The following HNF1B variants were observed in gnomAD, a reference collection of about 807,000 sequenced individuals.
HNF1B encodes hepatocyte nuclear factor 1-beta.
Under a neutral mutation model 61.7 loss-of-function variants are expected in HNF1B, and 8 were observed. That is an observed-to-expected ratio of 0.13 (90% confidence interval 0.08 to 0.23). HNF1B has a LOEUF of 0.23. Ranked by LOEUF, HNF1B falls within the 10% of genes least tolerant of loss-of-function variation. The pLI, the probability that HNF1B is intolerant of heterozygous loss-of-function variation, is 1.00. For missense variants in HNF1B, 562 were observed against 714.5 expected (o/e 0.79, Z 2.43); for synonymous variants, 314 against 287.7 (o/e 1.09, Z -0.93).
At position 37,686,958 on chromosome 17, in the gene HNF1B, G is replaced by A; in HGVS notation, c.*414C>T. ...ATGGGGGCAGGGGAGGGAGTCTGTG[G>A]ATATTTACAGTGTGTTTGGCTCAGT... On this transcript the variant is annotated 3_prime_UTR_variant, in exon 9 of 9. Coordinates refer to ENST00000617811, the MANE Select transcript of HNF1B (RefSeq NM_000458.4). 3 of 390,086 alleles carry A rather than the reference G, an allele frequency of 7.7e-6. No homozygotes were observed. In the South Asian group the frequency reaches 7.9e-5, roughly 10 times the overall value. The allele number at this position is 390,086 out of a possible 1,614,324, so 24.2% of individuals were successfully genotyped here.
chr17:37,713,865 G>C (rs1445742758), intron 4 of HNF1B, among the ~76,000 whole-genome samples: 17 of 152,228 alleles, frequency 1.1e-4, no homozygotes, highest in Non-Finnish European at 1.0e-4. Flanking sequence ...TAATCAGCCA[G>C]CCATCTTATG....
chr17:37,733,765 G>C lies in HNF1B; in HGVS notation c.601C>G (p.Gln201Glu), dbSNP rs1282570287. The C allele has an allele frequency of 6.2e-7, 1 of 1,614,126 alleles. No individual in the cohort carries two copies. The highest frequency in any genetic ancestry group is 1.7e-5 in the Admixed American group (1 of 60,030). ...AACTCTGGAAAGAGAAACAGCAGCTGATCCTGACTGCTTTTGTCTGTCATA... is the reference window on the plus strand; with the variant it reads ...AACTCTGGAAAGAGAAACAGCAGCTCATCCTGACTGCTTTTGTCTGTCATA... ...GNMTDKSSQD[Q>E]LLFLFPEFSQ... Residue 201 changes from glutamine to glutamate, a missense_variant, in exon 3 of 9, where the codon CAG becomes GAG. Physicochemically the swap from Gln to Glu is conservative, Grantham distance 29. This residue lies in a region of HNF1B where 69 missense variants were observed against 81.2 expected (regional missense o/e 0.85). Coordinates refer to ENST00000617811, the MANE Select transcript of HNF1B (RefSeq NM_000458.4).
chr17:37,704,829 A>G, intron 6 of HNF1B, 88 bp downstream of exon 6: 1 of 1,444,566 alleles, frequency 6.9e-7, no homozygotes, highest in Non-Finnish European at 9.7e-7. Flanking sequence ...AGTTTGAAGG[A>G]GACCTACAGT....
At chr17:37,727,004 C>G (rs904969719) in intron 4 of HNF1B, among the ~76,000 whole-genome samples, 1 of 152,100 alleles carries the variant, frequency 6.6e-6, no homozygotes, top group South Asian at 2.1e-4. Context: ...AGCTTGCTGC[C>G]GACTAGAGCA....
chr17:37,707,944 A>G (rs2032805816), intron 5 of HNF1B, among the ~76,000 whole-genome samples: 1 of 152,202 alleles, frequency 6.6e-6, no homozygotes, highest in Non-Finnish European at 1.5e-5. Flanking sequence ...ATTTCAAGGC[A>G]CGTCCTACTG....
intron 8 of HNF1B, among the ~76,000 whole-genome samples, chr17:37,687,836 A>T (rs755961975): frequency 6.6e-6 from 1 of 152,182 alleles, no homozygotes; most frequent in South Asian, 2.1e-4. Flanking sequence ...TAACGGACCC[A>T]CAAGTACCAG....
rs1475033508 is a variant in HNF1B, at chr17:37,687,398, G to A, written c.1654-6C>T. The A allele has an allele frequency of 1.3e-6, 2 of 1,597,066 alleles. No individual in the cohort carries two copies. Among genetic ancestry groups the A allele is most frequent in the Non-Finnish European group, 1.7e-6 (2 of 1,164,816 alleles). ...CACCAGGCTTGTAGAGGACACTGCAGAGAGAGAGGAGAGAGGGTGCTCAGC... is the reference window on the plus strand; with the variant it reads ...CACCAGGCTTGTAGAGGACACTGCAAAGAGAGAGGAGAGAGGGTGCTCAGC... On this transcript the variant is annotated splice_polypyrimidine_tract_variant and splice_region_variant and intron_variant, in intron 8 of 8. Transcript: ENST00000617811.
chr17:37,742,367 T>C (rs2034019108), intron 1 of HNF1B, among the ~76,000 whole-genome samples: 1 of 152,160 alleles, frequency 6.6e-6, no homozygotes, highest in Non-Finnish European at 1.5e-5. Context: ...GCCTTTCTCT[T>C]CCAGGAGGTT....
At chr17:37,741,122 TG>T (rs1408537224) in intron 1 of HNF1B, among the ~76,000 whole-genome samples, 1 of 152,050 alleles carries the variant, frequency 6.6e-6, no homozygotes, top group African/African-American at 2.4e-5. Context: ...TAGTTTCAGG[TG>T]AAACAAAAAA....
chr17:37,741,085 A>AT (rs2033978194), intron 1 of HNF1B, among the ~76,000 whole-genome samples: 1 of 152,236 alleles, frequency 6.6e-6, no homozygotes, highest in Non-Finnish European at 1.5e-5. Flanking sequence ...AGCTTGATAG[A>AT]ACAAGAAAAA....
intron 4 of HNF1B, among the ~76,000 whole-genome samples, chr17:37,727,348 T>C (rs544859932): frequency 6.6e-6 from 1 of 152,246 alleles, no homozygotes; most frequent in Admixed American, 6.5e-5. Context: ...ATAAAGGCCT[T>C]CCAGGCTGAA....
intron 4 of HNF1B, among the ~76,000 whole-genome samples, chr17:37,715,664 C>T (rs956574909): frequency 3.9e-5 from 6 of 152,188 alleles, no homozygotes; most frequent in African/African-American, 1.4e-4. Flanking sequence ...TTTTCCTTCC[C>T]ATGTCAGATA....
At chr17:37,715,750 A>G (rs377433667) in intron 4 of HNF1B, among the ~76,000 whole-genome samples, 1 of 152,236 alleles carries the variant, frequency 6.6e-6, no homozygotes, top group Non-Finnish European at 1.5e-5. Flanking sequence ...CAAACTTGCC[A>G]TATTTACTAT....
At position 37,744,343 on chromosome 17, in the gene HNF1B, A is replaced by C. The variant is rs373107533; in HGVS notation, c.344+198T>G. 3.2e-3 allele frequency among the ~76,000 whole-genome samples: 483 copies of C among 152,358 alleles called. 1 individual carries two copies. Among genetic ancestry groups the C allele is most frequent in the African/African-American group, 0.011 (458 of 41,592 alleles). ...ACGCTGGCCTGGGCCTGGGGAGAAG[A>C]AGCCCGGTGGGCCGCAGGGTCGTCC... On this transcript the variant is annotated intron_variant, in intron 1 of 8. Transcript: ENST00000617811.
chr17:37,740,171 G>A (rs1024009781), intron 1 of HNF1B, among the ~76,000 whole-genome samples: 1 of 152,102 alleles, frequency 6.6e-6, no homozygotes, highest in Non-Finnish European at 1.5e-5. Flanking sequence ...GTTTCACCAT[G>A]TTGGCCAGGC....
At chr17:37,738,589 T>A (rs1226300473) in intron 2 of HNF1B, among the ~76,000 whole-genome samples, 1 of 152,192 alleles carries the variant, frequency 6.6e-6, no homozygotes, top group Non-Finnish European at 1.5e-5. Flanking sequence ...GTAATGAAAG[T>A]GTAATGTCAA....
intron 4 of HNF1B, among the ~76,000 whole-genome samples, chr17:37,721,889 CA>C (rs2033330623): frequency 1.3e-5 from 2 of 152,188 alleles, no homozygotes; most frequent in South Asian, 4.1e-4. Flanking sequence ...TAGCTCACTT[CA>C]GCCTCAAACT....
chr17:37,739,706 G>C, intron 1 of HNF1B, 67 bp from the exon 2 acceptor site: 1 of 1,365,070 alleles, frequency 7.3e-7, no homozygotes, highest in Non-Finnish European at 1.0e-6. Context: ...TCTTTTTCTA[G>C]GGGGTGCTAC....
At chr17:37,743,757 T>G (rs1332080478) in intron 1 of HNF1B, among the ~76,000 whole-genome samples, 4 of 152,232 alleles carry the variant, frequency 2.6e-5, no homozygotes, top group African/African-American at 9.6e-5. Context: ...CCAGCCGGCC[T>G]GAACTCCCGG....
Sources: gnomAD v4.1 joint callset for allele counts (sites outside exome capture counted in the v4.1 genomes callset) on GRCh38, gnomAD v4.1.1 for gene constraint, gnomAD v4.1.1 regional missense constraint, MANE v1.5 for transcripts, NCBI Gene and HGNC (gene_info 2026-07-23, HGNC 2026-07-21) for gene names.